PGBD2: variants seen among roughly 807,000 people sequenced by gnomAD.
The protein encoded by PGBD2 is piggyBac transposable element-derived protein 2.
Under a neutral mutation model 8.1 loss-of-function variants are expected in PGBD2, and 6 were observed. The observed-to-expected ratio is 0.74, with a 90% CI of 0.40 to 1.46. PGBD2 has a LOEUF of 1.46. Ranked by LOEUF, PGBD2 falls within the 40% of genes most tolerant of loss-of-function variation. The probability of loss-of-function intolerance (pLI) is 0.02; values close to 1 mark genes in which losing one functional copy is unlikely to be tolerated. For missense variants in PGBD2, 802 were observed against 739.0 expected, an observed-to-expected ratio of 1.09 and a Z score of -0.99; for synonymous variants, 318 against 272.2, an observed-to-expected ratio of 1.17 and a Z score of -1.66.
rs896500687 is a variant in PGBD2 at position 248,907,602 on chromosome 1, A to G, written c.-48+1260A>G. On this transcript the variant is annotated intron_variant, in intron 1 of 2. Transcript: ENST00000329291. Reference sequence around the variant, plus strand: ...AGGGCAGAGGTCCCTGTGGCTTTTCATGGTGCATTGCGCCCCTTGTTTATT... The same window carrying G: ...AGGGCAGAGGTCCCTGTGGCTTTTCGTGGTGCATTGCGCCCCTTGTTTATT... Among the ~76,000 whole-genome samples, 7 of 152,248 alleles carry G rather than the reference A, an allele frequency of 4.6e-5. No homozygotes were observed. The East Asian group carries it at 5.8e-4, about 13-fold the overall frequency.
At chr1:248,926,377 C>T in the PGBD2 span, among the ~76,000 whole-genome samples, 5 of 151,992 alleles carry the variant, frequency 3.3e-5, no homozygotes, top group Non-Finnish European at 5.9e-5. Context: ...CAAAGAATGG[C>T]CTTGGTTTCT....
chr1:248,913,852 C>T lies in PGBD2; in HGVS notation c.-11C>T, dbSNP rs912148337. On this transcript the variant is annotated 5_prime_UTR_variant, in exon 2 of 3. Transcript: ENST00000329291. ...CTGTGAGTAAAGACAGCTTCATCTTCCCAGTTCATCATGGCTTCAACATCC... is the reference window on the plus strand; with the variant it reads ...CTGTGAGTAAAGACAGCTTCATCTTTCCAGTTCATCATGGCTTCAACATCC... The T allele has an allele frequency of 5.6e-6, 9 of 1,607,480 alleles. No individual in the cohort carries two copies. Among genetic ancestry groups the T allele is most frequent in the Non-Finnish European group, 7.7e-6 (9 of 1,174,080 alleles).
chr1:248,911,044 C>G (rs535271114), intron 1 of PGBD2, among the ~76,000 whole-genome samples: 1 of 152,090 alleles, frequency 6.6e-6, no homozygotes, highest in Non-Finnish European at 1.5e-5. Flanking sequence ...ATTTGCCCCC[C>G]CATCTCGAGC....
the PGBD2 span, among the ~76,000 whole-genome samples, chr1:248,883,414 A>C: frequency 8.6e-4 from 129 of 150,282 alleles, no homozygotes; most frequent in African/African-American, 3.0e-3. Flanking sequence ...GAGCCACTGC[A>C]CCCGGTCCTT....
the PGBD2 span, among the ~76,000 whole-genome samples, chr1:248,889,828 A>C: frequency 6.6e-6 from 1 of 152,082 alleles, no homozygotes; most frequent in Admixed American, 6.5e-5. Flanking sequence ...GTATGGGAAC[A>C]GACACAACTC....
chr1:248,883,657 C>T, the PGBD2 span, among the ~76,000 whole-genome samples: 1 of 136,356 alleles, frequency 7.3e-6, no homozygotes, highest in South Asian at 2.3e-4. Flanking sequence ...AGTGCAGTGG[C>T]ACGATCTCGG....
chr1:248,877,405 T>G, the PGBD2 span, among the ~76,000 whole-genome samples: 3 of 152,182 alleles, frequency 2.0e-5, no homozygotes, highest in Non-Finnish European at 4.4e-5. Flanking sequence ...CAAGTGATCC[T>G]CACACTTCAG....
At chr1:248,901,666 G>A (rs1661536169), upstream of PGBD2, among the ~76,000 whole-genome samples, 1 of 152,130 alleles carries the variant, frequency 6.6e-6, no homozygotes, top group African/African-American at 2.4e-5. Flanking sequence ...ATACCATTCA[G>A]GACATAGACA....
At chr1:248,905,112 T>A (rs1661596767), upstream of PGBD2, among the ~76,000 whole-genome samples, 1 of 152,238 alleles carries the variant, frequency 6.6e-6, no homozygotes, top group South Asian at 2.1e-4. Context: ...GCCTGTTTTC[T>A]CAATTTGCTC....
chr1:248,873,847 TTCCGAGTGTCAGGATG>T, the PGBD2 span, among the ~76,000 whole-genome samples: 8 of 152,224 alleles, frequency 5.3e-5, no homozygotes, highest in East Asian at 1.9e-4. Context: ...AGCGCTCTGC[TTCCGAGTGTCAGGATG>T]GCCGAGTGGT....
chr1:248,885,677 C>A, the PGBD2 span, among the ~76,000 whole-genome samples: 2 of 152,248 alleles, frequency 1.3e-5, no homozygotes, highest in African/African-American at 4.8e-5. Context: ...CTTAACAGTT[C>A]TATAACCCCC....
At chr1:248,884,329 T>G in the PGBD2 span, among the ~76,000 whole-genome samples, 1 of 144,970 alleles carries the variant, frequency 6.9e-6, no homozygotes, top group East Asian at 2.0e-4. Context: ...CAGATTACAG[T>G]TTTTCGTTTT....
In PGBD2 at chr1:248,917,254, A is replaced by G; in HGVS notation, c.670A>G (p.Ile224Val). 1 of 1,614,096 alleles carries G rather than the reference A, an allele frequency of 6.2e-7. No homozygotes were observed. Residue 224 changes from isoleucine (I) to valine (V), a missense_variant, in exon 3 of 3, where the codon ATC becomes GTC. Physicochemically the swap from Ile to Val is conservative, Grantham distance 29. Coordinates refer to ENST00000329291, the MANE Select transcript of PGBD2 (RefSeq NM_170725.3). The stretch of plus-strand genomic sequence containing the variant: ...AATTAGAAGGGACAGATTTGAACTA[A>G]TCTTCTCATACTTACATTTTGCAGA... The part of the protein sequence containing the change: ...DAIRRDRFEL[I>V]FSYLHFADNN...
At chr1:248,897,875 A>G in the PGBD2 span, among the ~76,000 whole-genome samples, 3 of 152,200 alleles carry the variant, frequency 2.0e-5, no homozygotes, top group African/African-American at 7.2e-5. Context: ...CTGCAGCTCC[A>G]GTTGGCTATT....
downstream of PGBD2, among the ~76,000 whole-genome samples, chr1:248,920,467 G>A (rs890260814): frequency 2.0e-5 from 3 of 152,274 alleles, no homozygotes; most frequent in African/African-American, 4.8e-5. Flanking sequence ...CCCTGCAAAG[G>A]ACATGAACTC....
chr1:248,878,118 C>T, the PGBD2 span, among the ~76,000 whole-genome samples: 1 of 151,846 alleles, frequency 6.6e-6, no homozygotes, highest in African/African-American at 2.4e-5. Flanking sequence ...GTTGGGAGAT[C>T]ATGTTGTCAT....
At chr1:248,900,097 C>CAAAAAA in the PGBD2 span, among the ~76,000 whole-genome samples, 3 of 49,462 alleles carry the variant, frequency 6.1e-5, no homozygotes, top group East Asian at 6.6e-4. Context: ...AATAGCCTAC[C>CAAAAAA]AAAAAAAAAA....
the PGBD2 span, among the ~76,000 whole-genome samples, chr1:248,884,326 CA>C: frequency 6.8e-6 from 1 of 148,058 alleles, no homozygotes; most frequent in Non-Finnish European, 1.5e-5. Context: ...GATCAGATTA[CA>C]GTTTTTCGTT....
At chr1:248,881,524 G>A in the PGBD2 span, among the ~76,000 whole-genome samples, 1 of 152,136 alleles carries the variant, frequency 6.6e-6, no homozygotes, top group Non-Finnish European at 1.5e-5. Flanking sequence ...TTATTGGTTT[G>A]GCAAAGAACA....
Sources: allele counts gnomAD v4.1 joint callset (sites outside exome capture counted in the v4.1 genomes callset), GRCh38; gene constraint gnomAD v4.1.1; transcripts MANE v1.5; gene names NCBI Gene and HGNC (gene_info 2026-07-23, HGNC 2026-07-21).